Variants in SLC37A1 observed in about 807,000 individuals in gnomAD.
SLC37A1 encodes glucose-6-phosphate exchanger SLC37A1.
A neutral mutation model predicts 75.3 loss-of-function variants in SLC37A1; 49 were observed. That is an observed-to-expected ratio of 0.65 (90% CI 0.52 to 0.83). The LOEUF is 0.83. Ranked by LOEUF, SLC37A1 falls within the 40% of genes least tolerant of loss-of-function variation. SLC37A1 has a pLI of 0.00. For synonymous variants in SLC37A1, 268 were observed against 292.1 expected (o/e 0.92, Z 0.84); for missense variants, 566 against 695.0 (o/e 0.81, Z 2.09).
At chr21:42,506,088 T>C (rs1259000579) in intron 2 of SLC37A1, among the ~76,000 whole-genome samples, 3 of 152,240 alleles carry the variant, frequency 2.0e-5, no homozygotes, top group African/African-American at 7.2e-5. Context: ...ACGGTGAACA[T>C]GAGTACTGGC....
intron 10 of SLC37A1, among the ~76,000 whole-genome samples, chr21:42,557,766 G>A (rs1259089298): frequency 1.3e-5 from 2 of 148,224 alleles, no homozygotes; most frequent in African/African-American, 5.0e-5. Context: ...AGGGGAATGT[G>A]GAATACATTA....
rs1183685832 is a variant in SLC37A1, at chr21:42,570,095, G to A, written c.1423+1657G>A. On this transcript the variant is annotated intron_variant, in intron 17 of 19. Coordinates refer to ENST00000352133, the MANE Select transcript of SLC37A1 (RefSeq NM_001320537.2). Reference sequence around the variant, plus strand: ...GCCATGTCATGCGACACACGGCCTGGTTCTGAGAAGTGGTGGGCAGGGTGG... The same window carrying A: ...GCCATGTCATGCGACACACGGCCTGATTCTGAGAAGTGGTGGGCAGGGTGG... 7.5e-4 allele frequency among the ~76,000 whole-genome samples: 81 copies of A among 108,502 alleles called. 5 individuals carry two copies. Among genetic ancestry groups the A allele is most frequent in the South Asian group, 1.0e-3 (3 of 2,988 alleles). The allele number at this position is 108,502 out of a possible 152,430, so 71.2% of individuals were successfully genotyped here.
rs377339923 is a variant in SLC37A1 at position 42,503,552 on chromosome 21, A to G, written c.-179+1135A>G. On this transcript the variant is annotated intron_variant, in intron 2 of 20. Coordinates refer to the SLC37A1 transcript ENST00000398341. ...GTGTGAGCCACCACACCCAGCCTCC[A>G]TTTTGTTTTTAAGAAAACAATGTGT... Among the ~76,000 whole-genome samples the G allele has an allele frequency of 1.6e-4, 24 of 152,144 alleles. No individual in the cohort carries two copies. In the East Asian group the frequency reaches 4.3e-3, roughly 27 times the overall value.
intron 6 of SLC37A1, among the ~76,000 whole-genome samples, chr21:42,541,372 C>T (rs1002164992): frequency 6.6e-6 from 1 of 151,970 alleles, no homozygotes; most frequent in Non-Finnish European, 1.5e-5. Flanking sequence ...GTCAGAGCTG[C>T]CAGGCTGGCC....
At position 42,580,243 on chromosome 21, in the gene SLC37A1, G is replaced by A. The variant is rs532889615; in HGVS notation, c.1587-102G>A. On this transcript the variant is annotated intron_variant, in intron 19 of 19. Coordinates refer to ENST00000352133, the MANE Select transcript of SLC37A1 (RefSeq NM_001320537.2). ...GAATCCCTGCTGGGCCGGGAGGGCA[G>A]CTGGCTCCCCATAGGATTTGCACAT... 8.1e-5 allele frequency: 113 copies of A among 1,387,252 alleles called. 1 individual carries two copies. The East Asian group carries it at 2.6e-3, about 32-fold the overall frequency. 85.9% of individuals were successfully genotyped at this position (1,387,252 alleles called of 1,614,324 possible). A position where few individuals can be genotyped will look rare whatever the true frequency, so the allele number is the denominator to read the frequency against.
At chr21:42,522,168 C>T (rs937203562) in intron 2 of SLC37A1, among the ~76,000 whole-genome samples, 2 of 152,320 alleles carry the variant, frequency 1.3e-5, no homozygotes, top group Admixed American at 1.3e-4. Flanking sequence ...TATGACCTCA[C>T]CTGAGCTAAT....
intron 18 of SLC37A1, chr21:42,575,844 A>G (rs451954): frequency 0.61 from 602,052 of 983,954 alleles, 185,815 homozygotes; most frequent in Admixed American, 0.7. Context: ...CTAGGTTTAA[A>G]TGGCTGTTCT....
chr21:42,536,100 G>A (rs958782412), intron 5 of SLC37A1, among the ~76,000 whole-genome samples: 3 of 152,184 alleles, frequency 2.0e-5, no homozygotes, highest in East Asian at 1.9e-4. Context: ...AGACCGGCTC[G>A]GATCTGAGTC....
chr21:42,579,643 A>G, intron 18 of SLC37A1, 93 bp from the exon 19 acceptor site: 1 of 1,153,780 alleles, frequency 8.7e-7, no homozygotes, highest in Non-Finnish European at 1.2e-6. Context: ...CCACCCGCCC[A>G]GGCCTTGCGG....
intron 3 of SLC37A1, chr21:42,526,175 C>G (rs918979625): frequency 4.6e-6 from 1 of 218,168 alleles, no homozygotes; most frequent in African/African-American, 2.3e-5. Flanking sequence ...TAAGTGGTTC[C>G]CCAAATTCCA....
rs76826708 is a variant in SLC37A1, at chr21:42,568,296, A to G, written c.1345-64A>G. 0.011 allele frequency: 15,235 copies of G among 1,326,804 alleles called. 1,297 individuals are homozygous for G. The African/African-American group carries it at 0.19, about 16-fold the overall frequency. The allele number at this position is 1,326,804 out of a possible 1,614,324, so 82.2% of individuals were successfully genotyped here. ...GAGCAGTTTGAGTAAATGGTCATAC[A>G]GAGGCTTAGGTTTACTTCTCATGCT... is the stretch of plus-strand genomic sequence containing the variant. On this transcript the variant is annotated intron_variant, in intron 16 of 19. Transcript: ENST00000352133.
intron 3 of SLC37A1, among the ~76,000 whole-genome samples, chr21:42,532,308 T>C (rs916782090): frequency 1.3e-5 from 2 of 152,216 alleles, no homozygotes; most frequent in African/African-American, 4.8e-5. Context: ...TCACAAAGGA[T>C]ATAAAATTCT....
chr21:42,541,232 G>A (rs574527182), intron 6 of SLC37A1, among the ~76,000 whole-genome samples: 9 of 152,328 alleles, frequency 5.9e-5, no homozygotes, highest in Middle Eastern at 3.4e-3. Context: ...GAGCTCAGGC[G>A]GCAATGCTTG....
At position 42,574,996 on chromosome 21, in the gene SLC37A1, C is replaced by T. The variant is rs116079690; in HGVS notation, c.1521+81C>T. 816 of 1,582,322 alleles carry T rather than the reference C, an allele frequency of 5.2e-4. 6 individuals are homozygous for T. In the African/African-American group the frequency reaches 9.2e-3, roughly 18 times the overall value. On this transcript the variant is annotated intron_variant, in intron 18 of 19. Transcript: ENST00000352133. ...GTCCAAACACTGGTGGAACTTTCTC[C>T]CATGCATTCCTGAGTTATCAGAGAG...
At chr21:42,550,371 T>C (rs936748475) in intron 9 of SLC37A1, among the ~76,000 whole-genome samples, 3 of 152,176 alleles carry the variant, frequency 2.0e-5, no homozygotes, top group Non-Finnish European at 4.4e-5. Flanking sequence ...GAAAAATTCA[T>C]AGAAGGACAG....
chr21:42,578,141 G>A (rs2147076366), intron 18 of SLC37A1, among the ~76,000 whole-genome samples: 1 of 152,334 alleles, frequency 6.6e-6, no homozygotes, highest in South Asian at 2.1e-4. Flanking sequence ...GATCTGAGCA[G>A]GTGTCCTGGG....
chr21:42,555,266 G>C (rs968196994), intron 10 of SLC37A1, among the ~76,000 whole-genome samples: 2 of 152,064 alleles, frequency 1.3e-5, no homozygotes, highest in Non-Finnish European at 2.9e-5. Context: ...GGAATTACAG[G>C]CTTCAGCCAC....
At position 42,563,841 on chromosome 21, in the gene SLC37A1, G is replaced by A. The variant is rs1417048899; in HGVS notation, c.1099G>A (p.Glu367Lys). 1.2e-5 allele frequency: 19 copies of A among 1,614,102 alleles called. No homozygotes were observed. The highest frequency in any genetic ancestry group is 1.5e-5 in the Non-Finnish European group (18 of 1,180,048). ...TCACCTTGATGCCAAAAAGGCGGGG[G>A]AGCTCTCCACCCTGTTTGACGTGGG... ...VDHLDAKKAG[E>K]LSTLFDVGGI... Residue 367 changes from glutamate (E) to lysine (K), a missense_variant, in exon 13 of 20, where the codon GAG becomes AAG. By Grantham distance (56) the Glu-to-Lys change is moderately conservative. Coordinates refer to ENST00000352133, the MANE Select transcript of SLC37A1 (RefSeq NM_001320537.2).
At chr21:42,580,184 G>T (rs2056397752) in intron 19 of SLC37A1, among the ~76,000 whole-genome samples, 161 bp from the exon 20 acceptor site, 1 of 152,060 alleles carries the variant, frequency 6.6e-6, no homozygotes, top group African/African-American at 2.4e-5. Context: ...AAGGTGCAAG[G>T]GTTTATCCAG....
Sources: allele counts gnomAD v4.1 joint callset (sites outside exome capture counted in the v4.1 genomes callset), GRCh38; gene constraint gnomAD v4.1.1; transcripts MANE v1.5; gene names NCBI Gene and HGNC (gene_info 2026-07-23, HGNC 2026-07-21).